The following KCNJ3 variants were observed in gnomAD, a reference collection of about 807,000 sequenced individuals.
The protein encoded by KCNJ3 is G protein-activated inward rectifier potassium channel 1.
KCNJ3 carries 4 observed loss-of-function variants against 39.2 expected under a neutral mutation model. The observed-to-expected ratio is 0.10, with a 90% CI of 0.05 to 0.23. The LOEUF is 0.23. Ranked by LOEUF, KCNJ3 falls within the 10% of genes least tolerant of loss-of-function variation. The pLI, the probability that KCNJ3 is intolerant of heterozygous loss-of-function variation, is 1.00. For synonymous variants in KCNJ3, 230 were observed against 237.4 expected, an observed-to-expected ratio of 0.97 and a Z score of 0.29; for missense variants, 276 against 634.9, an observed-to-expected ratio of 0.43 and a Z score of 6.08.
chr2:154,810,938 C>T (rs1265103259), intron 2 of KCNJ3, among the ~76,000 whole-genome samples: 8 of 152,108 alleles, frequency 5.3e-5, no homozygotes, highest in Non-Finnish European at 1.0e-4. Flanking sequence ...ATGGATGATC[C>T]TTTTACTATC....
chr2:154,788,552 C>A (rs966607140), intron 2 of KCNJ3, among the ~76,000 whole-genome samples: 1 of 152,064 alleles, frequency 6.6e-6, no homozygotes, highest in Non-Finnish European at 1.5e-5. Context: ...TCCTTTGATA[C>A]TTACTACTGT....
At chr2:154,787,632 C>T (rs1686555986) in intron 2 of KCNJ3, among the ~76,000 whole-genome samples, 1 of 152,072 alleles carries the variant, frequency 6.6e-6, no homozygotes, top group African/African-American at 2.4e-5. Flanking sequence ...GCAATTAATA[C>T]ATGGCAAAGC....
intron 2 of KCNJ3, among the ~76,000 whole-genome samples, chr2:154,845,140 G>T (rs1476098890): frequency 2.0e-5 from 3 of 152,098 alleles, no homozygotes; most frequent in African/African-American, 7.2e-5. Context: ...TATTTTTTGA[G>T]ACAGAGTCTG....
chr2:154,729,097 A>T (rs1028115526), intron 2 of KCNJ3, among the ~76,000 whole-genome samples: 1 of 152,250 alleles, frequency 6.6e-6, no homozygotes. Flanking sequence ...ATTCTCTAAA[A>T]CTATTAATCA....
intron 2 of KCNJ3, among the ~76,000 whole-genome samples, chr2:154,806,459 C>T (rs979819706): frequency 6.6e-6 from 1 of 152,144 alleles, no homozygotes; most frequent in Non-Finnish European, 1.5e-5. Context: ...TCCCTGTCCA[C>T]CAGGGAGCAC....
chr2:154,764,026 G>T (rs1686089161), intron 2 of KCNJ3, among the ~76,000 whole-genome samples: 1 of 152,120 alleles, frequency 6.6e-6, no homozygotes, highest in Non-Finnish European at 1.5e-5. Flanking sequence ...CTGATTATGT[G>T]TATCACACCT....
intron 2 of KCNJ3, among the ~76,000 whole-genome samples, chr2:154,785,630 C>T (rs1272405486): frequency 6.6e-6 from 1 of 152,138 alleles, no homozygotes; most frequent in African/African-American, 2.4e-5. Flanking sequence ...CTTACCCTCC[C>T]CAGATGCCAG....
At chr2:154,852,015 T>C (rs538352136) in intron 2 of KCNJ3, among the ~76,000 whole-genome samples, 1 of 152,200 alleles carries the variant, frequency 6.6e-6, no homozygotes, top group Non-Finnish European at 1.5e-5. Context: ...ATTTACTTTG[T>C]GATTGTTAGA....
intron 2 of KCNJ3, among the ~76,000 whole-genome samples, chr2:154,725,737 G>T (rs543289648): frequency 8.5e-5 from 13 of 152,132 alleles, no homozygotes; most frequent in African/African-American, 3.1e-4. Flanking sequence ...AAACAGCCTG[G>T]TATTGGTATA....
chr2:154,781,985 A>G (rs944859178), intron 2 of KCNJ3, among the ~76,000 whole-genome samples: 1 of 152,154 alleles, frequency 6.6e-6, no homozygotes, highest in African/African-American at 2.4e-5. Flanking sequence ...ATTTAAATGG[A>G]TAAATAATTC....
intron 1 of KCNJ3, among the ~76,000 whole-genome samples, chr2:154,707,154 T>G (rs770001420): frequency 3.9e-5 from 6 of 152,080 alleles, no homozygotes; most frequent in South Asian, 2.1e-4. Context: ...GAATTTCACT[T>G]ATCTGAAAAA....
intron 2 of KCNJ3, among the ~76,000 whole-genome samples, chr2:154,834,748 TA>T (rs755128238): frequency 2.0e-4 from 22 of 110,470 alleles, no homozygotes; most frequent in African/African-American, 5.6e-4. Context: ...TAAAATAAAA[TA>T]AAAAATAGAA....
At chr2:154,727,526 A>G (rs139652659) in intron 2 of KCNJ3, among the ~76,000 whole-genome samples, 70 of 136,954 alleles carry the variant, frequency 5.1e-4, no homozygotes, top group African/African-American at 1.8e-3. Flanking sequence ...CAGGGGGCGG[A>G]GGTTGCTGGT....
intron 2 of KCNJ3, among the ~76,000 whole-genome samples, chr2:154,722,400 A>G (rs1366823501): frequency 6.6e-6 from 1 of 152,198 alleles, no homozygotes; most frequent in Non-Finnish European, 1.5e-5. Context: ...GCTTGGGAAG[A>G]ATGAGTGAGA....
At chr2:154,785,954 A>G (rs1046697234) in intron 2 of KCNJ3, among the ~76,000 whole-genome samples, 4 of 152,222 alleles carry the variant, frequency 2.6e-5, no homozygotes, top group South Asian at 2.1e-4. Context: ...AGTTCAGCCC[A>G]TAACAGTCAC....
At chr2:154,782,081 T>C (rs1257396417) in intron 2 of KCNJ3, among the ~76,000 whole-genome samples, 1 of 152,206 alleles carries the variant, frequency 6.6e-6, no homozygotes, top group East Asian at 1.9e-4. Context: ...GGGGTACTTT[T>C]AGGAGCTTCA....
At chr2:154,810,561 A>G (rs1686991161) in intron 2 of KCNJ3, among the ~76,000 whole-genome samples, 1 of 152,190 alleles carries the variant, frequency 6.6e-6, no homozygotes, top group African/African-American at 2.4e-5. Context: ...AGATCAGTTA[A>G]TCAAAGTAGA....
At chr2:154,851,632 C>T (rs1033094221) in intron 2 of KCNJ3, among the ~76,000 whole-genome samples, 1 of 152,122 alleles carries the variant, frequency 6.6e-6, no homozygotes, top group Non-Finnish European at 1.5e-5. Context: ...CAGATGTTGC[C>T]TCACTTATGT....
intron 2 of KCNJ3, among the ~76,000 whole-genome samples, chr2:154,725,989 C>A (rs1305021243): frequency 6.6e-6 from 1 of 152,116 alleles, no homozygotes; most frequent in Non-Finnish European, 1.5e-5. Flanking sequence ...AAATGTAAGA[C>A]CTGAAACCAT....
Sources: allele counts gnomAD v4.1 joint callset (sites outside exome capture counted in the v4.1 genomes callset), GRCh38; gene constraint gnomAD v4.1.1; transcripts MANE v1.5; gene names NCBI Gene and HGNC (gene_info 2026-07-23, HGNC 2026-07-21).